CNBP: variants seen among roughly 807,000 people sequenced by gnomAD.
The protein encoded by CNBP is cellular nucleic acid-binding protein.
CNBP carries 6 observed loss-of-function variants against 21.2 expected under a neutral mutation model. That is an observed-to-expected ratio of 0.28 (90% confidence interval 0.16 to 0.56). The LOEUF is 0.56. CNBP is among the 20% of genes least tolerant of loss of function. The pLI, the probability that CNBP is intolerant of heterozygous loss-of-function variation, is 0.93. For missense variants in CNBP, 112 were observed against 233.1 expected (o/e 0.48, Z 3.38); for synonymous variants, 61 against 74.9 (o/e 0.81, Z 0.96).
intron 4 of CNBP, 53 bp from the exon 5 acceptor site, chr3:129,170,623 C>T: frequency 1.4e-6 from 2 of 1,406,770 alleles, no homozygotes; most frequent in East Asian, 4.5e-5. Flanking sequence ...AAACTGTCTA[C>T]CAAAGCAACA....
At position 129,169,113 on chromosome 3, in the gene CNBP, A is replaced by C. The variant is rs988721968; in HGVS notation, c.*1340T>G. Among the ~76,000 whole-genome samples the C allele has an allele frequency of 6.6e-6, 1 of 151,394 alleles. No homozygotes were observed. The highest frequency in any genetic ancestry group is 1.5e-5 in the Non-Finnish European group (1 of 67,892). ...CGACACTCTGTCTCAAAAAAAAATA[A>C]AAAAATAAAATAAAAATAAAAATAC... On this transcript the variant is annotated 3_prime_UTR_variant, in exon 5 of 5. Coordinates refer to ENST00000422453, the MANE Select transcript of CNBP (RefSeq NM_003418.5).
intron 1 of CNBP, among the ~76,000 whole-genome samples, chr3:129,175,379 G>C (rs938026565): frequency 6.6e-5 from 10 of 151,226 alleles, no homozygotes; most frequent in Non-Finnish European, 1.5e-4. Context: ...GCATCTCAGT[G>C]GCAAAGGCAG....
chr3:129,173,292 G>C (rs1008895315), intron 1 of CNBP, among the ~76,000 whole-genome samples: 1 of 152,180 alleles, frequency 6.6e-6, no homozygotes, highest in Non-Finnish European at 1.5e-5. Flanking sequence ...TGTAATGCAA[G>C]TACTACACTA....
intron 1 of CNBP, among the ~76,000 whole-genome samples, chr3:129,183,090 A>G (rs1938426733): frequency 6.6e-6 from 1 of 152,012 alleles, no homozygotes. Flanking sequence ...TGCTGGGACT[A>G]CATGCGCCCG....
chr3:129,171,847 TGGA>T, intron 1 of CNBP, 76 bp from the exon 2 acceptor site: 1 of 1,450,926 alleles, frequency 6.9e-7, no homozygotes, highest in Non-Finnish European at 9.3e-7. Flanking sequence ...AATGTATTTT[TGGA>T]AAATTATTCT....
chr3:129,171,882 T>C, intron 1 of CNBP, 111 bp from the exon 2 acceptor site: 2 of 1,207,290 alleles, frequency 1.7e-6, no homozygotes, highest in South Asian at 1.6e-5. Flanking sequence ...CTAGCTAATA[T>C]ATTGGTTAAA....
At chr3:129,175,435 T>A (rs1397696453) in intron 1 of CNBP, among the ~76,000 whole-genome samples, 1 of 1,872 alleles carries the variant, frequency 5.3e-4, no homozygotes, top group Non-Finnish European at 0.011. Flanking sequence ...TGTTTTGCTT[T>A]TTTTTTTTTT....
intron 1 of CNBP, among the ~76,000 whole-genome samples, chr3:129,173,839 T>C (rs1937698878): frequency 6.6e-6 from 1 of 152,158 alleles, no homozygotes; most frequent in African/African-American, 2.4e-5. Context: ...TATTTCCAAC[T>C]GAGTAAAACT....
chr3:129,180,365 C>A (rs1938212318), intron 1 of CNBP, among the ~76,000 whole-genome samples: 1 of 152,174 alleles, frequency 6.6e-6, no homozygotes, highest in African/African-American at 2.4e-5. Context: ...AACTTCATGG[C>A]AGAACTTAGG....
At chr3:129,179,145 C>T (rs1473070850) in intron 1 of CNBP, among the ~76,000 whole-genome samples, 2 of 151,988 alleles carry the variant, frequency 1.3e-5, no homozygotes, top group Non-Finnish European at 2.9e-5. Context: ...GGTGTGGTGG[C>T]CCGTGCCTGT....
At position 129,177,295 on chromosome 3, in the gene CNBP, G is replaced by A. The variant is rs191882226; in HGVS notation, c.-14-5524C>T. On this transcript the variant is annotated intron_variant, in intron 1 of 4. Coordinates refer to ENST00000422453, the MANE Select transcript of CNBP (RefSeq NM_003418.5). The stretch of plus-strand genomic sequence containing the variant: ...AAATTTTTCGTGAAACCTGATGTAC[G>A]TATACTGCACTGATGTAGCCTGCCT... Among the ~76,000 whole-genome samples the A allele has an allele frequency of 7.9e-5, 12 of 152,222 alleles. No individual in the cohort carries two copies. The South Asian group carries it at 1.7e-3, about 21-fold the overall frequency.
At chr3:129,181,524 G>A (rs953448674) in intron 1 of CNBP, among the ~76,000 whole-genome samples, 5 of 151,282 alleles carry the variant, frequency 3.3e-5, no homozygotes, top group Non-Finnish European at 5.9e-5. Context: ...GGCGGCGGGC[G>A]CCTGTAATCC....
At chr3:129,178,954 G>A (rs1353529222) in intron 1 of CNBP, among the ~76,000 whole-genome samples, 1 of 152,020 alleles carries the variant, frequency 6.6e-6, no homozygotes, top group African/African-American at 2.4e-5. Context: ...CACCGTGTTA[G>A]CCAGGATGGC....
At chr3:129,180,105 T>C (rs1336240653) in intron 1 of CNBP, among the ~76,000 whole-genome samples, 1 of 152,016 alleles carries the variant, frequency 6.6e-6, no homozygotes, top group African/African-American at 2.4e-5. Context: ...ATTTTTAAGG[T>C]AGGGAATTAT....
rs1159285915 is a variant in CNBP at position 129,170,585 on chromosome 3, A to C, written c.417-15T>G. 1.2e-6 allele frequency: 2 copies of C among 1,607,466 alleles called. No individual in the cohort carries two copies. The highest frequency in any genetic ancestry group is 2.7e-5 in the African/African-American group (2 of 74,766). On this transcript the variant is annotated splice_polypyrimidine_tract_variant and intron_variant, in intron 4 of 4. Coordinates refer to ENST00000422453, the MANE Select transcript of CNBP (RefSeq NM_003418.5). ...TTTCACCACACCTAAAAAAGAAATT[A>C]AAAGTTTTCACAATGGGCCTCAGAA...
intron 1 of CNBP, among the ~76,000 whole-genome samples, chr3:129,178,637 A>T (rs1938081606): frequency 6.6e-6 from 1 of 152,164 alleles, no homozygotes; most frequent in Non-Finnish European, 1.5e-5. Context: ...TGTTCACTTA[A>T]CTGCATTTAG....
chr3:129,172,687 GACAGACAGACACACACAC>G lies in CNBP; in HGVS notation c.-14-934_-14-917del, dbSNP rs1361837222. 2.3e-4 allele frequency among the ~76,000 whole-genome samples: 22 copies of G among 94,242 alleles called. No homozygotes were observed. In the East Asian group the frequency reaches 5.8e-3, roughly 25 times the overall value. 61.8% of individuals were successfully genotyped at this position (94,242 alleles called of 152,430 possible). ...AGACAGACAGACAGACAGACAGACA[GACAGACAGACACACACAC>G]ACACACACACACACACACACACACA... On this transcript the variant is annotated intron_variant, in intron 1 of 4. Transcript: ENST00000422453.
chr3:129,172,683 G>GACACAC (rs1312209322), intron 1 of CNBP, among the ~76,000 whole-genome samples: 2 of 95,928 alleles, frequency 2.1e-5, no homozygotes, highest in Non-Finnish European at 4.5e-5. Flanking sequence ...CAGACAGACA[G>GACACAC]ACAGACAGAC....
At chr3:129,170,695 C>T (rs1937552231) in intron 4 of CNBP, 125 bp from the exon 5 acceptor site, 3 of 730,166 alleles carry the variant, frequency 4.1e-6, no homozygotes, top group African/African-American at 3.5e-5. Context: ...TAAGGTTTCA[C>T]AGATATGTAC....
Sources: allele counts gnomAD v4.1 joint callset (sites outside exome capture counted in the v4.1 genomes callset), GRCh38; gene constraint gnomAD v4.1.1; transcripts MANE v1.5; gene names NCBI Gene and HGNC (gene_info 2026-07-23, HGNC 2026-07-21).